Variants in KANSL1 observed in about 807,000 individuals in gnomAD.
KANSL1 encodes the protein MLL1/MLL complex subunit KANSL1.
In KANSL1, 22 loss-of-function variants were observed where a neutral mutation model predicts 103.6. The observed-to-expected ratio is 0.21, with a 90% CI of 0.15 to 0.30. KANSL1 has a LOEUF of 0.30. Ranked by LOEUF, KANSL1 falls within the 10% of genes least tolerant of loss-of-function variation. The probability of loss-of-function intolerance (pLI) is 1.00; values close to 1 mark genes in which losing one functional copy is unlikely to be tolerated. For synonymous variants in KANSL1, 600 were observed against 527.6 expected (o/e 1.14, Z -1.88); for missense variants, 1,337 against 1,399.8 (o/e 0.96, Z 0.72).
intron 2 of KANSL1, among the ~76,000 whole-genome samples, chr17:46,102,007 T>C (rs1417979091): frequency 6.6e-6 from 1 of 152,142 alleles, no homozygotes; most frequent in Non-Finnish European, 1.5e-5. Context: ...TCTATTAGAA[T>C]AGACATTGCA....
upstream of KANSL1, among the ~76,000 whole-genome samples, chr17:46,194,112 CCAGCCCGGGAAGGGA>C (rs2047520323): frequency 6.6e-6 from 1 of 152,208 alleles, no homozygotes; most frequent in Non-Finnish European, 1.5e-5. Flanking sequence ...CCGCGCCGGG[CCAGCCCGGGAAGGGA>C]CAGCCGGGAG....
At chr17:46,134,397 C>CA (rs1406400182) in intron 2 of KANSL1, among the ~76,000 whole-genome samples, 1 of 151,190 alleles carries the variant, frequency 6.6e-6, no homozygotes, top group Non-Finnish European at 1.5e-5. Context: ...AACTCCATCT[C>CA]AAAAAATAAA....
Position 46,050,673 on chromosome 17 carries a change from C to A in KANSL1, c.1880G>T (p.Cys627Phe). The A allele has an allele frequency of 6.2e-7, 1 of 1,614,056 alleles. No individual in the cohort carries two copies. The highest frequency in any genetic ancestry group is 1.1e-5 in the South Asian group (1 of 91,068). The change falls in exon 7 of 15, where the codon TGT becomes TTT. Residue 627 changes from cysteine (C) to phenylalanine (F), a missense_variant. Physicochemically the swap from Cys to Phe is radical, Grantham distance 205. This residue lies in a region of KANSL1 where 780 missense variants were observed against 923.4 expected (regional missense o/e 0.84). Transcript: ENST00000432791. ...VHRNSTIRPG[C>F]DVNPSCALCG... is the part of the protein sequence containing the mutation. ...CAGTGCGCAGGAGGGATTCACATCA[C>A]AGCCAGGGCGGATTGTGCTGTTCCG...
rs925132857 is a variant in KANSL1 at position 46,171,291 on chromosome 17, T to C, written c.853A>G (p.Thr285Ala). 7.4e-6 allele frequency: 12 copies of C among 1,614,072 alleles called. No individual in the cohort carries two copies. Among genetic ancestry groups the C allele is most frequent in the African/African-American group, 1.3e-5 (1 of 74,910 alleles). ...TCAGCCTGTCGCCGCAGTAAAGCTG[T>C]TATCCTTGTGTCAGAATCTAAAGCA... Reference protein sequence around the residue: ...FSALDSDTRITALLRRQADIE... With the variant: ...FSALDSDTRIAALLRRQADIE... The change falls in exon 2 of 15, where the codon ACA becomes GCA. Residue 285 changes from threonine (T) to alanine (A), a missense_variant. Thr to Ala is a moderately conservative substitution (Grantham distance 58, BLOSUM62 0). Transcript: ENST00000432791.
rs368272201 is a variant in KANSL1 at position 46,208,043 on chromosome 17, G to A, written c.-90+15628C>T. ...GGAGAATCACTTGAACCTAGGAGGC[G>A]GAGGTTACAGTGAGCCAAGATCACA... is the stretch of plus-strand genomic sequence containing the variant. On this transcript the variant is annotated intron_variant, in intron 1 of 14. Coordinates refer to the KANSL1 transcript ENST00000572904. Among the ~76,000 whole-genome samples, 9 of 151,940 alleles carry A rather than the reference G, an allele frequency of 5.9e-5. No individual in the cohort carries two copies. The South Asian group carries it at 8.3e-4, about 14-fold the overall frequency.
intron 3 of KANSL1, chr17:46,088,391 A>G (rs1293615357): frequency 6.6e-6 from 1 of 152,294 alleles, no homozygotes; most frequent in African/African-American, 2.4e-5. Flanking sequence ...AAGTTGTCTA[A>G]AGTGCTTTAA....
At chr17:46,179,818 CAGGACTTTGGG>C (rs1214973228) in intron 1 of KANSL1, among the ~76,000 whole-genome samples, 2 of 152,190 alleles carry the variant, frequency 1.3e-5, no homozygotes, top group African/African-American at 4.8e-5. Context: ...CCTATAATCC[CAGGACTTTGGG>C]AGGCTGAGGC....
intron 6 of KANSL1, among the ~76,000 whole-genome samples, chr17:46,055,356 T>TCG (rs1394073984): frequency 6.6e-6 from 1 of 151,230 alleles, no homozygotes; most frequent in East Asian, 2.0e-4. Flanking sequence ...TCCCAGCTAC[T>TCG]CGGGAGGCTG....
At chr17:46,121,372 C>T (rs1338144338) in intron 2 of KANSL1, 1 of 152,350 alleles carries the variant, frequency 6.6e-6, no homozygotes, top group Non-Finnish European at 1.5e-5. Flanking sequence ...TCCTCTTCAC[C>T]ACTTGCTGTT....
intron 2 of KANSL1, among the ~76,000 whole-genome samples, chr17:46,150,438 T>C (rs2045027811): frequency 6.6e-6 from 1 of 152,230 alleles, no homozygotes; most frequent in Admixed American, 6.5e-5. Context: ...TTTACCACAG[T>C]GAATTATATC....
intron 1 of KANSL1, among the ~76,000 whole-genome samples, chr17:46,173,082 C>T (rs2046363166): frequency 6.6e-6 from 1 of 152,224 alleles, no homozygotes; most frequent in South Asian, 2.1e-4. Context: ...AAACCTCAGT[C>T]CCCATTCTAT....
intron 2 of KANSL1, among the ~76,000 whole-genome samples, chr17:46,109,821 C>T (rs2042727037): frequency 6.6e-6 from 1 of 152,206 alleles, no homozygotes; most frequent in Non-Finnish European, 1.5e-5. Context: ...ACTCTATGCC[C>T]TTACATCTAA....
At chr17:46,070,971 T>C (rs1377654716) in intron 4 of KANSL1, among the ~76,000 whole-genome samples, 8 of 152,180 alleles carry the variant, frequency 5.3e-5, no homozygotes, top group South Asian at 2.1e-4. Flanking sequence ...CATTTATCTT[T>C]CTTATACAAA....
chr17:46,141,983 G>A (rs2044444805), intron 2 of KANSL1, among the ~76,000 whole-genome samples: 2 of 152,306 alleles, frequency 1.3e-5, no homozygotes, highest in Middle Eastern at 3.4e-3. Context: ...CCACCTACCA[G>A]GTTCAAGCGA....
At chr17:46,152,585 G>T (rs1034337247) in intron 2 of KANSL1, among the ~76,000 whole-genome samples, 8 of 143,098 alleles carry the variant, frequency 5.6e-5, no homozygotes, top group Admixed American at 2.8e-4. Context: ...GACACAAAGG[G>T]GGGGGGGGGA....
At chr17:46,185,130 T>C (rs8064802) in intron 1 of KANSL1, among the ~76,000 whole-genome samples, 36,733 of 151,938 alleles carry the variant, frequency 0.24, 5,456 homozygotes, top group South Asian at 0.5. Flanking sequence ...CCTGGCCAAC[T>C]ATGTACTTCT....
chr17:46,211,213 T>C (rs2532418), intron 1 of KANSL1, among the ~76,000 whole-genome samples: 21,461 of 129,214 alleles, frequency 0.17, 2,130 homozygotes, highest in Middle Eastern at 0.26. Context: ...CTAAAGACAA[T>C]GTGATGTTCT....
intron 1 of KANSL1, among the ~76,000 whole-genome samples, chr17:46,178,827 A>G (rs2046648983): frequency 6.6e-6 from 1 of 152,210 alleles, no homozygotes; most frequent in African/African-American, 2.4e-5. Flanking sequence ...ATTAATATCA[A>G]GCAGAAACAT....
chr17:46,188,274 T>C (rs1051775828), intron 1 of KANSL1, among the ~76,000 whole-genome samples: 2 of 152,260 alleles, frequency 1.3e-5, no homozygotes, highest in African/African-American at 4.8e-5. Flanking sequence ...TCTACAGCCA[T>C]AGTGTGGTTC....
Sources: gnomAD v4.1 joint callset for allele counts (sites outside exome capture counted in the v4.1 genomes callset) on GRCh38, gnomAD v4.1.1 for gene constraint, gnomAD v4.1.1 regional missense constraint, MANE v1.5 for transcripts, NCBI Gene and HGNC (gene_info 2026-07-23, HGNC 2026-07-21) for gene names.